The following BLK variants were observed in gnomAD, a reference collection of about 807,000 sequenced individuals.
BLK encodes the protein tyrosine-protein kinase Blk.
Under a neutral mutation model 61.8 loss-of-function variants are expected in BLK, and 64 were observed. The ratio of observed to expected loss-of-function variants is 1.03; its 90% CI spans 0.85 to 1.27. The LOEUF (loss-of-function observed/expected upper bound fraction) is 1.27, where lower values mean the gene tolerates loss of function less well. Among genes scored for constraint, BLK ranks in the 50% most tolerant of loss-of-function variants. The pLI, the probability that BLK is intolerant of heterozygous loss-of-function variation, is 0.00. For missense variants in BLK, 853 were observed against 660.5 expected (o/e 1.29, Z -3.19); for synonymous variants, 351 against 272.0 (o/e 1.29, Z -2.86).
intron 1 of BLK, among the ~76,000 whole-genome samples, chr8:11,518,552 C>T (rs958661053): frequency 7.9e-5 from 12 of 151,998 alleles, no homozygotes; most frequent in African/African-American, 2.9e-4. Context: ...TCTCTATTTC[C>T]ACTAACAATG....
intron 1 of BLK, among the ~76,000 whole-genome samples, chr8:11,508,138 G>A (rs902469093): frequency 2.0e-5 from 3 of 152,214 alleles, no homozygotes; most frequent in Non-Finnish European, 4.4e-5. Flanking sequence ...TGCAGGCTCA[G>A]GACTGTTTGA....
chr8:11,555,614 C>T lies in BLK; in HGVS notation c.772+130C>T, dbSNP rs146907175. On this transcript the variant is annotated intron_variant, in intron 8 of 12. Coordinates refer to ENST00000259089, the MANE Select transcript of BLK (RefSeq NM_001715.3). Reference sequence around the variant, plus strand: ...TCTTGAGAGGGAGCGAGGACAGAGGCGAGGACACTCATTTTACAGAGGAGG... The same window carrying T: ...TCTTGAGAGGGAGCGAGGACAGAGGTGAGGACACTCATTTTACAGAGGAGG... The T allele has an allele frequency of 7.3e-5, 101 of 1,390,872 alleles. No homozygotes were observed. Among genetic ancestry groups the T allele is most frequent in the Non-Finnish European group, 8.5e-5 (86 of 1,008,948 alleles). 86.2% of individuals were successfully genotyped at this position (1,390,872 alleles called of 1,614,324 possible).
At chr8:11,505,233 A>G (rs1208917112) in intron 1 of BLK, among the ~76,000 whole-genome samples, 3 of 152,234 alleles carry the variant, frequency 2.0e-5, no homozygotes, top group African/African-American at 7.2e-5. Context: ...AACCTCATCT[A>G]TTTTGTAGAA....
intron 1 of BLK, among the ~76,000 whole-genome samples, chr8:11,536,988 A>G (rs1363114729): frequency 6.6e-6 from 1 of 152,134 alleles, no homozygotes; most frequent in Admixed American, 6.5e-5. Flanking sequence ...TATGCCTGAC[A>G]TAGTTCATGG....
chr8:11,535,258 AAAG>A (rs1486163656), intron 1 of BLK, among the ~76,000 whole-genome samples: 3 of 141,354 alleles, frequency 2.1e-5, no homozygotes, highest in South Asian at 2.4e-4. Flanking sequence ...GGAAAGAAAG[AAAG>A]AAGAAAGAAA....
In BLK at chr8:11,558,011, C is replaced by T. The variant is rs776342813; in HGVS notation, c.1002C>T (p.Leu334=). ...CAGATGAAGGGAGCAGATTGTCACTCCCAAGGCTGATTGACATGTCGGCGC... is the reference window on the plus strand; with the variant it reads ...CAGATGAAGGGAGCAGATTGTCACTTCCAAGGCTGATTGACATGTCGGCGC... ...LKTDEGSRLS[L]PRLIDMSAQI... The change falls in exon 10 of 13, where the codon CTC becomes CTT. Residue 334 remains leucine (L), a synonymous_variant. Coordinates refer to ENST00000259089, the MANE Select transcript of BLK (RefSeq NM_001715.3). The T allele has an allele frequency of 1.2e-6, 2 of 1,614,104 alleles. No homozygotes were observed. The highest frequency in any genetic ancestry group is 8.5e-7 in the Non-Finnish European group (1 of 1,179,972).
At chr8:11,512,485 T>C (rs182545261) in intron 1 of BLK, among the ~76,000 whole-genome samples, 211 of 152,356 alleles carry the variant, frequency 1.4e-3, no homozygotes, top group African/African-American at 4.8e-3. Context: ...CAATTGGGTC[T>C]CAACAGAGAT....
At chr8:11,505,698 G>A (rs1055263690) in intron 1 of BLK, among the ~76,000 whole-genome samples, 2 of 152,124 alleles carry the variant, frequency 1.3e-5, no homozygotes, top group African/African-American at 2.4e-5. Flanking sequence ...CCCTATCACC[G>A]CACAGGGTAA....
intron 1 of BLK, among the ~76,000 whole-genome samples, chr8:11,526,475 T>A (rs978471106): frequency 1.3e-5 from 2 of 152,168 alleles, no homozygotes; most frequent in Admixed American, 1.3e-4. Flanking sequence ...TCCCAGCACT[T>A]TGGGAGGCCA....
chr8:11,495,789 G>T (rs1219271032), intron 1 of BLK, among the ~76,000 whole-genome samples: 1 of 152,182 alleles, frequency 6.6e-6, no homozygotes, highest in Admixed American at 6.5e-5. Context: ...ATTTTAACAA[G>T]ACCTGGGGTC....
intron 6 of BLK, among the ~76,000 whole-genome samples, chr8:11,554,422 C>A (rs530690676): frequency 1.3e-5 from 2 of 152,208 alleles, no homozygotes; most frequent in East Asian, 3.9e-4. Context: ...ACAAAGGGTC[C>A]CCGAGTGACC....
rs28521400 is a variant in BLK at position 11,548,706 on chromosome 8, G to A, written c.270-318G>A. Among the ~76,000 whole-genome samples the A allele has an allele frequency of 2.1e-3, 318 of 152,296 alleles. 1 individual carries two copies. The highest frequency in any genetic ancestry group is 7.3e-3 in the African/African-American group (303 of 41,568). On this transcript the variant is annotated intron_variant, in intron 4 of 12. Coordinates refer to ENST00000259089, the MANE Select transcript of BLK (RefSeq NM_001715.3). The stretch of plus-strand genomic sequence containing the variant: ...TGATTCTATACAGTCCACGCCAACC[G>A]TGTTTTTCTCAAGCCTGTCCCCAGT...
chr8:11,502,966 C>A (rs1185187858), intron 1 of BLK, among the ~76,000 whole-genome samples: 1 of 152,176 alleles, frequency 6.6e-6, no homozygotes, highest in African/African-American at 2.4e-5. Context: ...GTTCGCAAGT[C>A]CCCACTCGCA....
At chr8:11,523,748 C>A (rs1248594562) in intron 1 of BLK, among the ~76,000 whole-genome samples, 1 of 151,620 alleles carries the variant, frequency 6.6e-6, no homozygotes, top group Admixed American at 6.6e-5. Context: ...AAGAGAAACA[C>A]AAGTGGCTAA....
intron 1 of BLK, among the ~76,000 whole-genome samples, chr8:11,534,602 A>C (rs1303309433): frequency 2.0e-5 from 3 of 152,122 alleles, no homozygotes; most frequent in Non-Finnish European, 4.4e-5. Context: ...ACTTTTTACC[A>C]CCTGAAAATC....
At chr8:11,526,448 G>A (rs1295778077) in intron 1 of BLK, among the ~76,000 whole-genome samples, 4 of 152,106 alleles carry the variant, frequency 2.6e-5, no homozygotes. Context: ...GCTGGACTTG[G>A]TGGCTCATAC....
intron 1 of BLK, among the ~76,000 whole-genome samples, chr8:11,520,378 G>C (rs1799395523): frequency 6.6e-6 from 1 of 150,788 alleles, no homozygotes; most frequent in Non-Finnish European, 1.5e-5. Flanking sequence ...TTGGGAGGTT[G>C]AGGTGGGAGG....
chr8:11,536,426 T>A (rs1800135906), intron 1 of BLK, among the ~76,000 whole-genome samples: 1 of 152,222 alleles, frequency 6.6e-6, no homozygotes, highest in African/African-American at 2.4e-5. Flanking sequence ...AGTCTCACTC[T>A]GTCAACTAGG....
chr8:11,524,918 CAA>C (rs34067077), intron 1 of BLK, among the ~76,000 whole-genome samples: 6 of 128,016 alleles, frequency 4.7e-5, no homozygotes, highest in Non-Finnish European at 5.1e-5. Flanking sequence ...TGCTTTTTTA[CAA>C]AAAAAAAAAA....
Sources: gnomAD v4.1 joint callset for allele counts (sites outside exome capture counted in the v4.1 genomes callset) on GRCh38, gnomAD v4.1.1 for gene constraint, MANE v1.5 for transcripts, NCBI Gene and HGNC (gene_info 2026-07-23, HGNC 2026-07-21) for gene names.